The following SLC24A2 variants were observed in gnomAD, a reference collection of about 807,000 sequenced individuals.
SLC24A2 encodes the protein solute carrier family 24 member 2.
In SLC24A2, 36 loss-of-function variants were observed where a neutral mutation model predicts 62.0. The observed-to-expected ratio is 0.58, with a 90% CI of 0.44 to 0.77. The LOEUF (loss-of-function observed/expected upper bound fraction) is 0.77. SLC24A2 is among the 30% of genes least tolerant of loss of function. The pLI is 0.00. For missense variants in SLC24A2, 846 were observed against 817.9 expected, an observed-to-expected ratio of 1.03 and a Z score of -0.42; for synonymous variants, 358 against 294.0, an observed-to-expected ratio of 1.22 and a Z score of -2.23.
At chr9:19,688,964 A>G (rs893460619) in intron 2 of SLC24A2, among the ~76,000 whole-genome samples, 1 of 152,174 alleles carries the variant, frequency 6.6e-6, no homozygotes, top group Non-Finnish European at 1.5e-5. Flanking sequence ...TTTAGATTCT[A>G]TGAAACAGAT....
the SLC24A2 span, among the ~76,000 whole-genome samples, chr9:20,056,228 G>A: frequency 1.3e-5 from 2 of 152,114 alleles, no homozygotes; most frequent in Non-Finnish European, 2.9e-5. Context: ...CTGTGTGTGT[G>A]TACATGTATA....
chr9:20,236,647 A>G, the SLC24A2 span, among the ~76,000 whole-genome samples: 1 of 152,236 alleles, frequency 6.6e-6, no homozygotes, highest in African/African-American at 2.4e-5. Context: ...CTGAATTTAC[A>G]GTCATGTACT....
chr9:20,095,747 C>G, the SLC24A2 span, among the ~76,000 whole-genome samples: 1 of 150,494 alleles, frequency 6.6e-6, no homozygotes, highest in African/African-American at 2.4e-5. Context: ...ATACCCAAGA[C>G]TGGGTAATTT....
At chr9:19,758,068 T>C (rs1268839876) in intron 2 of SLC24A2, among the ~76,000 whole-genome samples, 1 of 152,170 alleles carries the variant, frequency 6.6e-6, no homozygotes, top group African/African-American at 2.4e-5. Flanking sequence ...ACTTTTTTTC[T>C]TTATAAATTA....
chr9:19,509,898 A>T lies in SLC24A2; in HGVS notation c.*6255T>A, dbSNP rs1450239721. 6.6e-6 allele frequency: 1 copy of T among 152,164 alleles called. No individual in the cohort carries two copies. The highest frequency in any genetic ancestry group is 1.5e-5 in the Non-Finnish European group (1 of 68,038). The allele number at this position is 152,164 out of a possible 1,614,324, so 9.4% of individuals were successfully genotyped here. ...CTTTTGGTGAACCCTGGCCCATGAG[A>T]TCAATCAGTAGCTTTACAAATCCTA... On this transcript the variant is annotated 3_prime_UTR_variant, in exon 11 of 11. Transcript: ENST00000341998.
the SLC24A2 span, among the ~76,000 whole-genome samples, chr9:20,018,049 C>T: frequency 6.6e-6 from 1 of 152,188 alleles, no homozygotes; most frequent in Non-Finnish European, 1.5e-5. Flanking sequence ...CGGGTTCATG[C>T]CATTCTCCTG....
the SLC24A2 span, among the ~76,000 whole-genome samples, chr9:20,058,363 G>C: frequency 6.6e-6 from 1 of 152,062 alleles, no homozygotes; most frequent in Non-Finnish European, 1.5e-5. Context: ...TCTCCCTACT[G>C]TGAAGCATAT....
the SLC24A2 span, among the ~76,000 whole-genome samples, chr9:20,147,443 T>G: frequency 6.6e-6 from 1 of 152,172 alleles, no homozygotes; most frequent in East Asian, 1.9e-4. Context: ...GATTGGTTTT[T>G]CATGTCAAGT....
At chr9:19,736,305 AC>A (rs1236274762) in intron 2 of SLC24A2, among the ~76,000 whole-genome samples, 1 of 152,172 alleles carries the variant, frequency 6.6e-6, no homozygotes, top group East Asian at 1.9e-4. Flanking sequence ...ATGGATTTAA[AC>A]CCCAAATATA....
the SLC24A2 span, among the ~76,000 whole-genome samples, chr9:20,274,679 C>T: frequency 6.6e-6 from 1 of 152,224 alleles, no homozygotes; most frequent in East Asian, 1.9e-4. Context: ...AGGCCTCCTG[C>T]CTTGTGCCTG....
chr9:19,517,616 C>T (rs1346752067), intron 10 of SLC24A2, among the ~76,000 whole-genome samples: 1 of 152,076 alleles, frequency 6.6e-6, no homozygotes, highest in African/African-American at 2.4e-5. Context: ...ATGTGACTGC[C>T]TTGTGGGGAT....
chr9:19,560,912 TATATAGAGAGAGAGAGAG>T (rs1473259832), intron 7 of SLC24A2, among the ~76,000 whole-genome samples: 3 of 50,150 alleles, frequency 6.0e-5, no homozygotes, highest in East Asian at 2.0e-3. Flanking sequence ...TATATATATA[TATATAGAGAGAGAGAGAG>T]AGAGAGAGAG....
the SLC24A2 span, among the ~76,000 whole-genome samples, chr9:19,839,315 T>C: frequency 6.6e-6 from 1 of 152,184 alleles, no homozygotes; most frequent in African/African-American, 2.4e-5. Context: ...AGTTTAACCA[T>C]TGTGGAAGTC....
intron 2 of SLC24A2, among the ~76,000 whole-genome samples, chr9:19,659,926 T>G (rs1413631524): frequency 1.3e-5 from 2 of 152,152 alleles, no homozygotes; most frequent in Non-Finnish European, 2.9e-5. Flanking sequence ...CATCAAAGCC[T>G]AAAACTACTG....
chr9:20,205,928 T>C, the SLC24A2 span, among the ~76,000 whole-genome samples: 2 of 152,140 alleles, frequency 1.3e-5, no homozygotes, highest in Non-Finnish European at 2.9e-5. Flanking sequence ...TGATTTTTAT[T>C]GTTATTATAT....
At chr9:19,871,963 C>G in the SLC24A2 span, among the ~76,000 whole-genome samples, 2 of 151,674 alleles carry the variant, frequency 1.3e-5, no homozygotes, top group Admixed American at 6.6e-5. Context: ...TTGTGGTCTT[C>G]TTTGGTTTGG....
chr9:19,850,621 C>T, the SLC24A2 span, among the ~76,000 whole-genome samples: 4 of 152,020 alleles, frequency 2.6e-5, no homozygotes, highest in Admixed American at 2.6e-4. Flanking sequence ...TTTCAATCTT[C>T]CCTCCCATCC....
intron 2 of SLC24A2, among the ~76,000 whole-genome samples, chr9:19,751,851 C>T (rs1821995458): frequency 6.6e-6 from 1 of 152,158 alleles, no homozygotes; most frequent in Non-Finnish European, 1.5e-5. Flanking sequence ...CTTGGCAGTG[C>T]ACTTTACCAA....
intron 2 of SLC24A2, among the ~76,000 whole-genome samples, chr9:19,727,095 T>C (rs1305271910): frequency 1.3e-5 from 2 of 152,156 alleles, no homozygotes; most frequent in Non-Finnish European, 2.9e-5. Context: ...TATCACCTTA[T>C]TTATCAGGAA....
Sources: gnomAD v4.1 joint callset for allele counts (sites outside exome capture counted in the v4.1 genomes callset) on GRCh38, gnomAD v4.1.1 for gene constraint, MANE v1.5 for transcripts, NCBI Gene and HGNC (gene_info 2026-07-23, HGNC 2026-07-21) for gene names.